The following KLF8 variants were observed in gnomAD, a reference collection of about 807,000 sequenced individuals.
The protein encoded by KLF8 is KLF transcription factor 8.
KLF8 carries 10 observed loss-of-function variants against 18.2 expected under a neutral mutation model. That is an observed-to-expected ratio of 0.55 (90% CI 0.34 to 0.93). The LOEUF is 0.93. Among genes scored for constraint, KLF8 ranks in the 40% least tolerant of loss-of-function variants. The pLI is 0.02. For missense variants in KLF8, 264 were observed against 277.9 expected (o/e 0.95, Z 0.36); for synonymous variants, 109 against 97.3 (o/e 1.12, Z -0.71).
chrX:56,005,476 G>T, the KLF8 span, among the ~76,000 whole-genome samples: 2 of 111,823 alleles, frequency 1.8e-5, no homozygotes, highest in African/African-American at 6.5e-5. Context: ...ACTGGTGGGT[G>T]TGGGGTTGCT....
chrX:56,145,828 G>T, the KLF8 span, among the ~76,000 whole-genome samples: 1 of 110,601 alleles, frequency 9.0e-6, no homozygotes, highest in African/African-American at 3.3e-5. Context: ...ATCTGACAAA[G>T]GGCTAACATC....
chrX:56,129,529 G>A, the KLF8 span, among the ~76,000 whole-genome samples: 2 of 111,382 alleles, frequency 1.8e-5, no homozygotes, highest in East Asian at 2.8e-4. Context: ...TGAGCCATCT[G>A]GGTCCCTGGG....
chrX:56,241,604 T>C (rs906624522), intron 1 of KLF8, among the ~76,000 whole-genome samples: 1 of 112,373 alleles, frequency 8.9e-6, no homozygotes, highest in African/African-American at 3.2e-5. Context: ...TTTCCATCTA[T>C]GTCCTTGTAA....
chrX:55,979,075 T>C, the KLF8 span, among the ~76,000 whole-genome samples: 1 of 63,552 alleles, frequency 1.6e-5, no homozygotes, highest in East Asian at 6.3e-4. Context: ...TCCATAAATC[T>C]GAAGCATATA....
the KLF8 span, among the ~76,000 whole-genome samples, chrX:56,189,425 C>G: frequency 9.0e-6 from 1 of 111,454 alleles, no homozygotes; most frequent in South Asian, 3.8e-4. Context: ...GTTGGTGGGA[C>G]TGTAAACTAG....
the KLF8 span, among the ~76,000 whole-genome samples, chrX:55,939,682 G>A: frequency 3.6e-5 from 4 of 111,400 alleles, no homozygotes; most frequent in Non-Finnish European, 5.7e-5. Context: ...AATAAAAAAT[G>A]ATAAAGGGGA....
At chrX:55,972,216 A>G in the KLF8 span, among the ~76,000 whole-genome samples, 1 of 111,990 alleles carries the variant, frequency 8.9e-6, no homozygotes, top group East Asian at 2.8e-4. Context: ...GCCATAAAAA[A>G]GTCTTGTCGT....
At chrX:56,155,898 G>A in the KLF8 span, among the ~76,000 whole-genome samples, 1 of 111,561 alleles carries the variant, frequency 9.0e-6, no homozygotes, top group African/African-American at 3.3e-5. Context: ...TTATAAGTGA[G>A]AACATGTGGT....
At chrX:56,178,593 C>T in the KLF8 span, among the ~76,000 whole-genome samples, 9 of 112,381 alleles carry the variant, frequency 8.0e-5, no homozygotes, top group Admixed American at 8.5e-4. Flanking sequence ...GCTCAGTTTT[C>T]TTCTAGGGTT....
the KLF8 span, among the ~76,000 whole-genome samples, chrX:56,133,869 C>T: frequency 9.2e-6 from 1 of 109,250 alleles, no homozygotes; most frequent in African/African-American, 3.3e-5. Flanking sequence ...TATACACCAA[C>T]AGTGATCAAG....
At chrX:55,956,161 CTA>C in the KLF8 span, among the ~76,000 whole-genome samples, 1 of 96,451 alleles carries the variant, frequency 1.0e-5, no homozygotes, top group African/African-American at 5.2e-5. Context: ...ATCTATCTAT[CTA>C]TCTATCATCT....
At chrX:56,242,617 C>T (rs1481845239) in intron 1 of KLF8, among the ~76,000 whole-genome samples, 1 of 111,359 alleles carries the variant, frequency 9.0e-6, no homozygotes, top group Non-Finnish European at 1.9e-5. Flanking sequence ...TTTCTTATCA[C>T]CTTATATTTT....
rs919957575 is a variant in KLF8 at position 56,286,682 on chromosome X, A to G, written c.*2188A>G. The G allele has an allele frequency of 1.8e-5, 2 of 112,238 alleles. No individual in the cohort carries two copies. Among genetic ancestry groups the G allele is most frequent in the Non-Finnish European group, 3.8e-5 (2 of 53,289 alleles). 9.2% of individuals were successfully genotyped at this position (112,238 alleles called of 1,213,427 possible). On this transcript the variant is annotated 3_prime_UTR_variant, in exon 6 of 6. Coordinates refer to ENST00000468660, the MANE Select transcript of KLF8 (RefSeq NM_007250.5). ...TCATTTTAACTTGCAATGTCTGTCTATCTCATGAACTCTCCATAAATCCAA... is the reference window on the plus strand; with the variant it reads ...TCATTTTAACTTGCAATGTCTGTCTGTCTCATGAACTCTCCATAAATCCAA...
chrX:55,909,105 A>T, the KLF8 span, among the ~76,000 whole-genome samples: 1 of 111,788 alleles, frequency 8.9e-6, no homozygotes, highest in South Asian at 3.8e-4. Flanking sequence ...CAGCAACCCT[A>T]TCAGGTTGCC....
chrX:56,050,833 C>T, the KLF8 span, among the ~76,000 whole-genome samples: 1 of 110,042 alleles, frequency 9.1e-6, no homozygotes, highest in Non-Finnish European at 1.9e-5. Flanking sequence ...TGTTGACTTT[C>T]TGTCTCATTG....
the KLF8 span, among the ~76,000 whole-genome samples, chrX:56,100,148 C>G: frequency 9.0e-6 from 1 of 111,178 alleles, no homozygotes; most frequent in Admixed American, 9.6e-5. Flanking sequence ...ATTCACCATT[C>G]CGAGAACCCA....
chrX:56,171,924 T>G, the KLF8 span, among the ~76,000 whole-genome samples: 50 of 111,256 alleles, frequency 4.5e-4, no homozygotes, highest in Admixed American at 9.6e-5. Flanking sequence ...TATTTCTAGT[T>G]CTAGATCCTT....
chrX:55,940,964 G>T, the KLF8 span, among the ~76,000 whole-genome samples: 1 of 111,662 alleles, frequency 9.0e-6, no homozygotes, highest in Non-Finnish European at 1.9e-5. Flanking sequence ...GTAATTTATA[G>T]ATTCAATGCC....
At chrX:56,074,081 C>T in the KLF8 span, among the ~76,000 whole-genome samples, 1 of 111,216 alleles carries the variant, frequency 9.0e-6, no homozygotes, top group Non-Finnish European at 1.9e-5. Context: ...AACTTTTTGG[C>T]CATTTTTATT....
Sources: allele counts gnomAD v4.1 joint callset (sites outside exome capture counted in the v4.1 genomes callset), GRCh38; gene constraint gnomAD v4.1.1; transcripts MANE v1.5; gene names NCBI Gene and HGNC (gene_info 2026-07-23, HGNC 2026-07-21).